KCNH8: variants seen among roughly 807,000 people sequenced by gnomAD.
KCNH8 encodes the protein potassium voltage-gated channel subfamily H member 8, also known as voltage-gated delayed rectifier potassium channel KCNH8.
Under a neutral mutation model 103.6 loss-of-function variants are expected in KCNH8, and 70 were observed. That is an observed-to-expected ratio of 0.68 (90% CI 0.56 to 0.82). The LOEUF is 0.82. Ranked by LOEUF, KCNH8 falls within the 40% of genes least tolerant of loss-of-function variation. KCNH8 has a pLI of 0.00. For synonymous variants in KCNH8, 498 were observed against 489.4 expected (o/e 1.02, Z -0.23); for missense variants, 1,217 against 1,329.9 (o/e 0.92, Z 1.32).
In KCNH8 at chr3:19,220,968, C is replaced by T. The variant is rs1476331467; in HGVS notation, c.77-32686C>T. Among the ~76,000 whole-genome samples, 6 of 152,176 alleles carry T rather than the reference C, an allele frequency of 3.9e-5. No individual in the cohort carries two copies. In the East Asian group the frequency reaches 7.7e-4, roughly 20 times the overall value. On this transcript the variant is annotated intron_variant, in intron 1 of 15. Coordinates refer to ENST00000328405, the MANE Select transcript of KCNH8 (RefSeq NM_144633.3). Reference sequence around the variant, plus strand: ...CCCTAGTGGGAGCTTTACCATGTGCCGCAATCATTTTTGTTTGTAAAATTT... The same window carrying T: ...CCCTAGTGGGAGCTTTACCATGTGCTGCAATCATTTTTGTTTGTAAAATTT...
Position 19,533,694 on chromosome 3 carries a change from T to TG in KCNH8, c.2921dup (p.Ala975SerfsTer3). ...CTGTGGGGAGCAGCCCCCAACGAAC[T>TG]GGAGCTCATGAGCAAAATCCTGCAG... On this transcript the variant is annotated frameshift_variant, in exon 16 of 16. Coordinates refer to ENST00000328405, the MANE Select transcript of KCNH8 (RefSeq NM_144633.3). LOFTEE classifies it high-confidence loss of function. The TG allele has an allele frequency of 6.2e-7, 1 of 1,614,162 alleles. No homozygotes were observed. Among genetic ancestry groups the TG allele is most frequent in the Non-Finnish European group, 8.5e-7 (1 of 1,180,006 alleles).
At chr3:19,393,240 T>C (rs145310455) in intron 6 of KCNH8, among the ~76,000 whole-genome samples, 1 of 152,202 alleles carries the variant, frequency 6.6e-6, no homozygotes. Flanking sequence ...CAAATATGCT[T>C]CTTTCTCCTG....
chr3:19,484,316 T>G (rs534340900), intron 11 of KCNH8, among the ~76,000 whole-genome samples: 2 of 152,254 alleles, frequency 1.3e-5, no homozygotes, highest in Non-Finnish European at 2.9e-5. Context: ...ATAGTAACTA[T>G]AGAACAGAAA....
intron 2 of KCNH8, among the ~76,000 whole-genome samples, chr3:19,261,427 T>A (rs997857074): frequency 6.6e-6 from 1 of 151,906 alleles, no homozygotes; most frequent in Non-Finnish European, 1.5e-5. Context: ...CCTTTGCTTA[T>A]TTTTTATTTG....
chr3:19,462,149 A>G (rs2067643948), intron 11 of KCNH8, among the ~76,000 whole-genome samples: 1 of 152,214 alleles, frequency 6.6e-6, no homozygotes. Context: ...TCCTTTGGAT[A>G]TATACCCAAT....
intron 5 of KCNH8, among the ~76,000 whole-genome samples, chr3:19,350,187 A>G (rs7653013): frequency 5.3e-5 from 8 of 152,006 alleles, no homozygotes; most frequent in Admixed American, 2.6e-4. Flanking sequence ...TTTATTCTAT[A>G]AAATATTTCA....
chr3:19,248,506 G>A (rs777023814), intron 1 of KCNH8, among the ~76,000 whole-genome samples: 2 of 152,158 alleles, frequency 1.3e-5, no homozygotes, highest in African/African-American at 2.4e-5. Flanking sequence ...AAAAATCCAT[G>A]TCTTTGGGTT....
intron 11 of KCNH8, among the ~76,000 whole-genome samples, chr3:19,464,421 AAAC>A (rs944491831): frequency 2.4e-4 from 37 of 152,150 alleles, no homozygotes; most frequent in African/African-American, 8.9e-4. Context: ...ACGAAAGAAA[AAAC>A]AATAAAGTTT....
chr3:19,415,480 T>G (rs2066849679), intron 7 of KCNH8, among the ~76,000 whole-genome samples: 1 of 151,580 alleles, frequency 6.6e-6, no homozygotes, highest in African/African-American at 2.4e-5. Flanking sequence ...TTTATTATTC[T>G]ACAATCAGCT....
Position 19,281,195 on chromosome 3 carries a change from C to T in KCNH8, c.311-3C>T, listed in dbSNP as rs2064752382. ...TTGTATTTTTTTTTCTTTACTGTTG[C>T]AGGGTCTCCATTTTGGTGCCTACTG... On this transcript the variant is annotated splice_region_variant and splice_polypyrimidine_tract_variant and intron_variant, in intron 2 of 15. Coordinates refer to ENST00000328405, the MANE Select transcript of KCNH8 (RefSeq NM_144633.3). The T allele has an allele frequency of 1.0e-5, 16 of 1,607,396 alleles. No individual in the cohort carries two copies. The highest frequency in any genetic ancestry group is 1.3e-5 in the Non-Finnish European group (15 of 1,176,888).
intron 6 of KCNH8, among the ~76,000 whole-genome samples, chr3:19,393,468 C>T (rs185498338): frequency 1.6e-4 from 25 of 152,118 alleles, no homozygotes; most frequent in Non-Finnish European, 3.1e-4. Flanking sequence ...ATCCCCTTTC[C>T]GGTCAGAGAA....
At chr3:19,155,977 C>A (rs2063177341) in intron 1 of KCNH8, among the ~76,000 whole-genome samples, 1 of 152,192 alleles carries the variant, frequency 6.6e-6, no homozygotes, top group Non-Finnish European at 1.5e-5. Flanking sequence ...AGAATTTCAA[C>A]TTCTTTGAAG....
intron 3 of KCNH8, among the ~76,000 whole-genome samples, chr3:19,310,700 A>T (rs1421486655): frequency 6.6e-6 from 1 of 151,868 alleles, no homozygotes; most frequent in African/African-American, 2.4e-5. Context: ...GAGTGTTACA[A>T]TCTATTTCTT....
chr3:19,296,541 T>A (rs1408653302), intron 3 of KCNH8, among the ~76,000 whole-genome samples: 1 of 152,262 alleles, frequency 6.6e-6, no homozygotes, highest in African/African-American at 2.4e-5. Flanking sequence ...ACAGATGCCA[T>A]GTCTGATTCA....
intron 11 of KCNH8, among the ~76,000 whole-genome samples, chr3:19,497,459 GT>G (rs2068467964): frequency 6.6e-6 from 1 of 152,026 alleles, no homozygotes; most frequent in African/African-American, 2.4e-5. Context: ...GTTCTTATTA[GT>G]TTCAAATAAC....
chr3:19,149,385 A>C (rs1035443439), intron 1 of KCNH8, among the ~76,000 whole-genome samples: 2 of 152,098 alleles, frequency 1.3e-5, no homozygotes, highest in African/African-American at 2.4e-5. Flanking sequence ...CCTAACACTC[A>C]AGCAGAGGCT....
At chr3:19,485,694 T>A (rs760586479) in intron 11 of KCNH8, among the ~76,000 whole-genome samples, 1 of 152,158 alleles carries the variant, frequency 6.6e-6, no homozygotes, top group East Asian at 1.9e-4. Context: ...GAGGGAGTAA[T>A]GGGGCTGCTA....
chr3:19,247,111 C>T (rs148645724), intron 1 of KCNH8, among the ~76,000 whole-genome samples: 2 of 152,216 alleles, frequency 1.3e-5, no homozygotes, highest in African/African-American at 4.8e-5. Flanking sequence ...AAGAATGAAA[C>T]CTAGCAATAT....
chr3:19,242,715 C>G (rs1428766217), intron 1 of KCNH8, among the ~76,000 whole-genome samples: 1 of 152,044 alleles, frequency 6.6e-6, no homozygotes, highest in East Asian at 1.9e-4. Flanking sequence ...ACTGAGTAAT[C>G]TTGTTTAAAA....
Sources: gnomAD v4.1 joint callset for allele counts (sites outside exome capture counted in the v4.1 genomes callset) on GRCh38, gnomAD v4.1.1 for gene constraint, MANE v1.5 for transcripts, NCBI Gene and HGNC (gene_info 2026-07-23, HGNC 2026-07-21) for gene names.